Variants in POP4 observed in about 807,000 individuals in gnomAD.
The protein encoded by POP4 is POP4 ribonuclease P/MRP subunit.
POP4 carries 31 observed loss-of-function variants against 29.9 expected under a neutral mutation model. The ratio of observed to expected loss-of-function variants is 1.04; its 90% CI spans 0.78 to 1.40. The LOEUF (loss-of-function observed/expected upper bound fraction) is 1.40. Among genes scored for constraint, POP4 ranks in the 40% most tolerant of loss-of-function variants. POP4 has a pLI of 0.00. For missense variants in POP4, 286 were observed against 282.7 expected (o/e 1.01, Z -0.08); for synonymous variants, 110 against 108.2 (o/e 1.02, Z -0.10).
rs1436098230 is a variant in POP4 at position 29,610,723 on chromosome 19, C to T, written c.284+91C>T. ...GAGTGGCTGGGGAGGCAGCCTGGCT[C>T]CACCTAAGCTAAGGGGGCCTCTCTG... On this transcript the variant is annotated intron_variant, in intron 3 of 6. Coordinates refer to ENST00000585603, the MANE Select transcript of POP4 (RefSeq NM_006627.3). 9.2e-6 allele frequency: 12 copies of T among 1,301,128 alleles called. No homozygotes were observed. The East Asian group carries it at 3.0e-4, about 32-fold the overall frequency. 80.6% of individuals were successfully genotyped at this position (1,301,128 alleles called of 1,614,324 possible).
rs765092325 is a variant in POP4, at chr19:29,615,316, TC to T, written c.601del (p.Gln201SerfsTer26). On this transcript the variant is annotated frameshift_variant, in exon 7 of 7. Transcript: ENST00000585603. LOFTEE classifies it high-confidence loss of function. ...GFISYIYGSK[F>X]QLRSSERSAK... ...ATTTCCTACATTTACGGGAGCAAAT[TC>T]CAGCTTCGGTCAAGTGAACGGTCTG... The T allele has an allele frequency of 1.5e-4, 237 of 1,613,604 alleles. No homozygotes were observed. Among genetic ancestry groups the T allele is most frequent in the Non-Finnish European group, 1.9e-4 (226 of 1,179,892 alleles).
At chr19:29,612,443 C>T (rs76297148) in intron 5 of POP4, among the ~76,000 whole-genome samples, 9,392 of 152,250 alleles carry the variant, frequency 0.062, 332 homozygotes, top group South Asian at 0.14. Context: ...CCCTAAAGGG[C>T]ACAGTGGCTG....
intron 1 of POP4, among the ~76,000 whole-genome samples, chr19:29,607,549 A>G (rs1286592880): frequency 6.6e-6 from 1 of 152,216 alleles, no homozygotes; most frequent in African/African-American, 2.4e-5. Context: ...TACAGAGTAT[A>G]GTGTAAATTA....
Position 29,615,646 on chromosome 19 carries a change from C to T in POP4, c.*266C>T, listed in dbSNP as rs967372578. On this transcript the variant is annotated 3_prime_UTR_variant, in exon 7 of 7. Transcript: ENST00000585603. ...AGGAACAGACTGGCAGGAAGCACAC[C>T]GGGGTTAACACTGGTTGACTTGAAT... is the stretch of plus-strand genomic sequence containing the variant. 2.3e-5 allele frequency: 9 copies of T among 395,788 alleles called. No individual in the cohort carries two copies. The highest frequency in any genetic ancestry group is 4.0e-5 in the Admixed American group (1 of 24,820). 24.5% of individuals were successfully genotyped at this position (395,788 alleles called of 1,614,324 possible). A position where few individuals can be genotyped will look rare whatever the true frequency, so the allele number is the denominator to read the frequency against.
chr19:29,614,827 G>A (rs1161090879), intron 6 of POP4, among the ~76,000 whole-genome samples: 1 of 152,010 alleles, frequency 6.6e-6, no homozygotes, highest in African/African-American at 2.4e-5. Context: ...TTTTGAGCTT[G>A]GTTTTTCTTG....
intron 1 of POP4, 78 bp downstream of exon 1, chr19:29,606,403 CG>C: frequency 6.8e-7 from 1 of 1,480,030 alleles, no homozygotes; most frequent in Non-Finnish European, 9.0e-7. Context: ...GAAATGGGTC[CG>C]GGCTACCTGT....
intron 6 of POP4, 37 bp downstream of exon 6, chr19:29,614,009 G>A: frequency 6.3e-7 from 1 of 1,594,298 alleles, no homozygotes. Context: ...CTTGCGGGCT[G>A]TGGCTCCCAG....
intron 6 of POP4, among the ~76,000 whole-genome samples, chr19:29,614,660 C>T (rs1406235337): frequency 1.3e-5 from 2 of 152,176 alleles, no homozygotes; most frequent in South Asian, 2.1e-4. Flanking sequence ...CGCGCCACCA[C>T]GCCCGGCTAA....
Position 29,612,136 on chromosome 19 carries a change from G to A in POP4, c.382G>A (p.Ala128Thr), listed in dbSNP as rs1283476222. ...CTGCAGGCAGCCACAGATGATTCAG[G>A]CCAAGCTCTTAAAGGCAGATCTTCA... ...KPDTQPQMIQ[A>T]KLLKADLHGA... is the part of the protein sequence containing the mutation. Residue 128 changes from alanine to threonine, a missense_variant, in exon 5 of 7, where the codon GCC becomes ACC. By Grantham distance (58) the Ala-to-Thr change is moderately conservative (BLOSUM62 0). Coordinates refer to ENST00000585603, the MANE Select transcript of POP4 (RefSeq NM_006627.3). 6 of 1,610,888 alleles carry A rather than the reference G, an allele frequency of 3.7e-6. No homozygotes were observed. The highest frequency in any genetic ancestry group is 5.1e-6 in the Non-Finnish European group (6 of 1,179,198).
chr19:29,606,686 A>G (rs1971001993), intron 1 of POP4, among the ~76,000 whole-genome samples: 1 of 152,044 alleles, frequency 6.6e-6, no homozygotes, highest in Non-Finnish European at 1.5e-5. Context: ...ACCTGATGCA[A>G]AGCGCCGAGA....
chr19:29,613,559 G>C (rs750963002), intron 5 of POP4, among the ~76,000 whole-genome samples: 2 of 152,242 alleles, frequency 1.3e-5, no homozygotes, highest in Non-Finnish European at 2.9e-5. Context: ...CAGCCAGCCC[G>C]TGGGCCCTGA....
chr19:29,608,539 G>A, intron 1 of POP4, 118 bp from the exon 2 acceptor site: 1 of 998,748 alleles, frequency 1.0e-6, no homozygotes, highest in Non-Finnish European at 1.5e-6. Flanking sequence ...CAAAGTGCTA[G>A]GACTACAGGT....
At chr19:29,609,962 C>G (rs531156054) in intron 2 of POP4, among the ~76,000 whole-genome samples, 7 of 152,306 alleles carry the variant, frequency 4.6e-5, no homozygotes, top group Admixed American at 6.5e-5. Context: ...CCTAGTTTTG[C>G]TGTTTTCTGT....
intron 1 of POP4, 61 bp from the exon 2 acceptor site, chr19:29,608,596 G>A: frequency 6.7e-7 from 1 of 1,501,446 alleles, no homozygotes. Context: ...AGTTAGAAAA[G>A]TCTTGGGTCT....
At chr19:29,607,257 C>G (rs145514077) in intron 1 of POP4, among the ~76,000 whole-genome samples, 1 of 144,498 alleles carries the variant, frequency 6.9e-6, no homozygotes, top group Non-Finnish European at 1.5e-5. Context: ...AACAACATAG[C>G]GAGACCCTGT....
intron 1 of POP4, among the ~76,000 whole-genome samples, chr19:29,607,478 A>C (rs1404909675): frequency 6.6e-6 from 1 of 150,946 alleles, no homozygotes; most frequent in African/African-American, 2.4e-5. Context: ...AAAAAAAAAA[A>C]ACTTGTAACC....
rs370585149 is a variant in POP4 at position 29,608,646 on chromosome 19, T to C, written c.8-11T>C. On this transcript the variant is annotated splice_polypyrimidine_tract_variant and intron_variant, in intron 1 of 6. Coordinates refer to ENST00000585603, the MANE Select transcript of POP4 (RefSeq NM_006627.3). Reference sequence around the variant, plus strand: ...ACAAGAATTGATCATTTCTTTTTTTTAATCCCCCAGGTGTGATCTACCATG... The same window carrying C: ...ACAAGAATTGATCATTTCTTTTTTTCAATCCCCCAGGTGTGATCTACCATG... 966 of 1,612,610 alleles carry C rather than the reference T, an allele frequency of 6.0e-4. 14 individuals are homozygous for C. The South Asian group carries it at 8.2e-3, about 14-fold the overall frequency.
At chr19:29,610,783 A>G in intron 3 of POP4, 151 bp downstream of exon 3, 1 of 746,854 alleles carries the variant, frequency 1.3e-6, no homozygotes. Context: ...TCCTTTACCA[A>G]TCTGGGCTGT....
chr19:29,614,023 C>T lies in POP4; in HGVS notation c.526+51C>T, dbSNP rs370135149. On this transcript the variant is annotated intron_variant, in intron 6 of 6. Transcript: ENST00000585603. The stretch of plus-strand genomic sequence containing the variant: ...GCTTGCGGGCTGTGGCTCCCAGCTA[C>T]TGCGTTAGCCTTTTCCTCAAGGCTC... The T allele has an allele frequency of 2.1e-5, 33 of 1,574,112 alleles. 1 individual carries two copies. In the African/African-American group the frequency reaches 3.0e-4, roughly 14 times the overall value.
Sources: gnomAD v4.1 joint callset for allele counts (sites outside exome capture counted in the v4.1 genomes callset) on GRCh38, gnomAD v4.1.1 for gene constraint, MANE v1.5 for transcripts, NCBI Gene and HGNC (gene_info 2026-07-23, HGNC 2026-07-21) for gene names.